Variants in NUP153 observed in about 807,000 individuals in gnomAD.
NUP153 encodes nucleoporin 153.
NUP153 carries 27 observed loss-of-function variants against 134.6 expected under a neutral mutation model. That is an observed-to-expected ratio of 0.20 (90% CI 0.15 to 0.28). NUP153 has a LOEUF of 0.28. Ranked by LOEUF, NUP153 falls within the 10% of genes least tolerant of loss-of-function variation. The pLI, the probability that NUP153 is intolerant of heterozygous loss-of-function variation, is 1.00. For missense variants in NUP153, 1,821 were observed against 1,731.3 expected, an observed-to-expected ratio of 1.05 and a Z score of -0.92; for synonymous variants, 640 against 623.5, an observed-to-expected ratio of 1.03 and a Z score of -0.40.
At chr6:17,688,703 C>G in intron 1 of NUP153, 85 bp from the exon 2 acceptor site, 1 of 1,034,036 alleles carries the variant, frequency 9.7e-7, no homozygotes, top group South Asian at 1.5e-5. Context: ...CCAGGCCAAG[C>G]AAAACACAAT....
intron 13 of NUP153, among the ~76,000 whole-genome samples, chr6:17,647,452 T>C (rs1561872786): frequency 6.6e-6 from 1 of 152,172 alleles, no homozygotes; most frequent in Non-Finnish European, 1.5e-5. Context: ...AATGGGGAAA[T>C]CTGAATATGG....
chr6:17,639,515 CAAGT>C (rs1765731752), intron 15 of NUP153, among the ~76,000 whole-genome samples: 1 of 152,212 alleles, frequency 6.6e-6, no homozygotes, highest in African/African-American at 2.4e-5. Flanking sequence ...TGCTTCAATT[CAAGT>C]GAGTACTGCT....
At chr6:17,696,930 G>C (rs1433070514) in intron 1 of NUP153, among the ~76,000 whole-genome samples, 2 of 151,872 alleles carry the variant, frequency 1.3e-5, no homozygotes, top group Non-Finnish European at 2.9e-5. Flanking sequence ...AAAATTAGCT[G>C]GCAGGTGGTG....
intron 2 of NUP153, among the ~76,000 whole-genome samples, chr6:17,687,996 G>A (rs1177581030): frequency 6.6e-6 from 1 of 152,148 alleles, no homozygotes; most frequent in Non-Finnish European, 1.5e-5. Flanking sequence ...GCAGGCGCCT[G>A]TAGTCCCAGC....
chr6:17,657,615 G>C (rs958768958), intron 11 of NUP153, among the ~76,000 whole-genome samples: 1 of 151,998 alleles, frequency 6.6e-6, no homozygotes, highest in Non-Finnish European at 1.5e-5. Context: ...TGCTCATCAG[G>C]CAGTAAGGGA....
chr6:17,616,055 C>T lies in NUP153; in HGVS notation c.*42G>A, dbSNP rs1468685901. The T allele has an allele frequency of 3.7e-6, 5 of 1,343,690 alleles. No homozygotes were observed. The highest frequency in any genetic ancestry group is 1.4e-5 in the African/African-American group (1 of 69,516). The allele number at this position is 1,343,690 out of a possible 1,614,324, so 83.2% of individuals were successfully genotyped here. ...TACAATCCAGTATCTGAAAGCAGGG[C>T]ACCAGCTGTTGTTAAAATTGAGTAC... On this transcript the variant is annotated 3_prime_UTR_variant, in exon 22 of 22. Transcript: ENST00000262077.
intron 1 of NUP153, among the ~76,000 whole-genome samples, chr6:17,701,834 G>GC (rs200078255): frequency 6.7e-5 from 7 of 103,818 alleles, no homozygotes; most frequent in East Asian, 5.1e-4. Flanking sequence ...CTCTGTCTCG[G>GC]GGGGGGGGGG....
intron 16 of NUP153, among the ~76,000 whole-genome samples, chr6:17,633,735 A>G (rs1473522321): frequency 1.3e-5 from 2 of 152,166 alleles, no homozygotes; most frequent in Admixed American, 6.5e-5. Context: ...CAGTGAAGCC[A>G]TTCATTCTGG....
In NUP153 at chr6:17,628,631, T is replaced by A. The variant is rs1346860351; in HGVS notation, c.3544+24A>T. 4.1e-6 allele frequency: 5 copies of A among 1,213,218 alleles called. No homozygotes were observed. Among genetic ancestry groups the A allele is most frequent in the Non-Finnish European group, 5.2e-6 (5 of 957,560 alleles). 75.2% of individuals were successfully genotyped at this position (1,213,218 alleles called of 1,614,324 possible). ...CTTGTAAAAAAAAAAATAATAATAA[T>A]AATAATAAAAAGTTAATACTTACCA... On this transcript the variant is annotated intron_variant, in intron 18 of 21. Transcript: ENST00000262077. This position sits in a 1 kb window ranked among gnomAD's most constrained non-coding sequence, Gnocchi z 5.4.
intron 2 of NUP153, among the ~76,000 whole-genome samples, chr6:17,685,463 G>C (rs1022499853): frequency 1.3e-5 from 2 of 151,572 alleles, no homozygotes; most frequent in Non-Finnish European, 2.9e-5. Context: ...GCAGGAGAAT[G>C]GTGTGAACCC....
intron 14 of NUP153, among the ~76,000 whole-genome samples, chr6:17,641,336 A>G (rs1337331384): frequency 6.6e-6 from 1 of 152,014 alleles, no homozygotes; most frequent in Non-Finnish European, 1.5e-5. Context: ...AGAGATGGAG[A>G]CCATCCCGGC....
intron 20 of NUP153, among the ~76,000 whole-genome samples, chr6:17,621,275 C>T (rs573505405): frequency 1.1e-3 from 167 of 152,224 alleles, no homozygotes; most frequent in African/African-American, 3.7e-3. Flanking sequence ...TTAGTATAAC[C>T]GTTATGGAAA....
intron 18 of NUP153, among the ~76,000 whole-genome samples, chr6:17,626,715 T>G (rs767413416): frequency 6.6e-6 from 1 of 152,234 alleles, no homozygotes; most frequent in Non-Finnish European, 1.5e-5. Context: ...CTTTATACCA[T>G]GGACTGATAT....
chr6:17,646,074 A>G lies in NUP153; in HGVS notation c.1713T>C (p.Ser571=). ...TAAGAAATTTTTACTTACCTGAACT[A>G]CTTATAATTGGTTCTAAAGTACTAC... ...GSSSTLEPII[S]SSAHHVTTVN... is the part of the protein sequence containing the mutation. Residue 571 remains serine, a synonymous_variant, in exon 14 of 22, where the codon AGT becomes AGC. Transcript: ENST00000262077. 6.6e-7 allele frequency: 1 copy of G among 1,525,838 alleles called. No individual in the cohort carries two copies. The highest frequency in any genetic ancestry group is 9.1e-7 in the Non-Finnish European group (1 of 1,103,314). The allele number at this position is 1,525,838 out of a possible 1,614,324, so 94.5% of individuals were successfully genotyped here.
intron 5 of NUP153, among the ~76,000 whole-genome samples, chr6:17,672,637 T>A (rs559410345): frequency 6.6e-6 from 1 of 152,166 alleles, no homozygotes; most frequent in East Asian, 1.9e-4. Flanking sequence ...ACAGTCTTTT[T>A]AACAAATAAC....
Position 17,706,249 on chromosome 6 carries a change from AG to A in NUP153, c.111+27del, listed in dbSNP as rs150238408. On this transcript the variant is annotated intron_variant, in intron 1 of 21. Transcript: ENST00000262077. The surrounding 1 kb of genome is among the most constrained non-coding windows in gnomAD (Gnocchi z 5.9). Reference sequence around the variant, plus strand: ...CTCCAGCCGAGTTTCCCCACCCGCCAGGCCACCGCGGCGTCGGGGTCCCATA... The same window carrying A: ...CTCCAGCCGAGTTTCCCCACCCGCCAGCCACCGCGGCGTCGGGGTCCCATA... The A allele has an allele frequency of 4.2e-4, 667 of 1,569,796 alleles. 2 individuals are homozygous for A. In the African/African-American group the frequency reaches 8.5e-3, roughly 20 times the overall value.
At chr6:17,658,946 C>T (rs1767004938) in intron 11 of NUP153, among the ~76,000 whole-genome samples, 1 of 152,092 alleles carries the variant, frequency 6.6e-6, no homozygotes, top group Non-Finnish European at 1.5e-5. Flanking sequence ...TTTCAGAATC[C>T]CAGCGAAACC....
intron 14 of NUP153, among the ~76,000 whole-genome samples, chr6:17,645,242 CAAAAA>C (rs1010515280): frequency 4.4e-5 from 3 of 68,794 alleles, no homozygotes; most frequent in Non-Finnish European, 6.4e-5. Flanking sequence ...GACTCTGTCT[CAAAAA>C]AAAAAAAAAA....
rs1454864937 is a variant in NUP153, at chr6:17,688,755, T to C, written c.112-137A>G. On this transcript the variant is annotated intron_variant, in intron 1 of 21. Coordinates refer to ENST00000262077, the MANE Select transcript of NUP153 (RefSeq NM_005124.4). Reference sequence around the variant, plus strand: ...GCCAAAATTCAGTTACTACAGTTACTGCTAACATAATGGTTTTTACAAATT... The same window carrying C: ...GCCAAAATTCAGTTACTACAGTTACCGCTAACATAATGGTTTTTACAAATT... The C allele has an allele frequency of 6.4e-6, 4 of 628,530 alleles. No individual in the cohort carries two copies. In the Admixed American group the frequency reaches 1.2e-4, roughly 18 times the overall value. The allele number at this position is 628,530 out of a possible 1,614,324, so 38.9% of individuals were successfully genotyped here.
Sources: gnomAD v4.1 joint callset for allele counts (sites outside exome capture counted in the v4.1 genomes callset) on GRCh38, gnomAD v4.1.1 for gene constraint, Gnocchi (gnomAD v3.1) non-coding constraint, MANE v1.5 for transcripts, NCBI Gene and HGNC (gene_info 2026-07-23, HGNC 2026-07-21) for gene names.